Variants in PCDHGA2 observed in about 807,000 individuals in gnomAD.
The protein encoded by PCDHGA2 is protocadherin gamma-A2.
In PCDHGA2, 40 loss-of-function variants were observed where a neutral mutation model predicts 59.2. That is an observed-to-expected ratio of 0.68 (90% CI 0.52 to 0.88). The LOEUF is 0.88. Among genes scored for constraint, PCDHGA2 ranks in the 40% least tolerant of loss-of-function variants. The probability of loss-of-function intolerance (pLI) is 0.00; values close to 1 mark genes in which losing one functional copy is unlikely to be tolerated. For synonymous variants in PCDHGA2, 560 were observed against 526.0 expected (o/e 1.06, Z -0.89); for missense variants, 1,226 against 1,204.0 (o/e 1.02, Z -0.27).
chr5:141,421,926 C>T, intron 1 of PCDHGA2: 1 of 1,613,460 alleles, frequency 6.2e-7, no homozygotes, highest in Non-Finnish European at 8.5e-7. Context: ...GTGTGGTGGT[C>T]CTCGATGTAA....
At chr5:141,422,465 G>A in intron 1 of PCDHGA2, 1 of 1,613,508 alleles carries the variant, frequency 6.2e-7, no homozygotes, top group Non-Finnish European at 8.5e-7. Flanking sequence ...GTGCTGGACA[G>A]GGAGTTGGTC....
At chr5:141,360,588 A>G in intron 1 of PCDHGA2, 1 of 1,614,006 alleles carries the variant, frequency 6.2e-7, no homozygotes, top group Non-Finnish European at 8.5e-7. Flanking sequence ...CAGGTACAAC[A>G]TTTCCACTTG....
intron 1 of PCDHGA2, among the ~76,000 whole-genome samples, chr5:141,435,157 A>G (rs1387976305): frequency 6.6e-6 from 1 of 152,176 alleles, no homozygotes; most frequent in Non-Finnish European, 1.5e-5. Context: ...AAACTTTTGT[A>G]AATAGAGTGG....
At chr5:141,499,548 A>G (rs1312910986) in intron 2 of PCDHGA2, among the ~76,000 whole-genome samples, 3 of 152,226 alleles carry the variant, frequency 2.0e-5, no homozygotes, top group African/African-American at 7.2e-5. Flanking sequence ...ATGAACCTGT[A>G]TGATACCACT....
intron 1 of PCDHGA2, among the ~76,000 whole-genome samples, chr5:141,461,644 A>C (rs1266858748): frequency 1.3e-5 from 2 of 151,868 alleles, no homozygotes; most frequent in Non-Finnish European, 2.9e-5. Flanking sequence ...TTCTTCTTTG[A>C]CCCATGGATT....
At position 141,485,841 on chromosome 5, in the gene PCDHGA2, C is replaced by G. The variant is rs969476505; in HGVS notation, c.2425-8966C>G. On this transcript the variant is annotated intron_variant, in intron 1 of 3. Transcript: ENST00000394576. This position sits in a 1 kb window ranked among gnomAD's most constrained non-coding sequence, Gnocchi z 5.7. Reference sequence around the variant, plus strand: ...GTCGATGGAGGGAACCCGCCGAGATCTGGCACCGCAGAGCTCCGGGTATCC... The same window carrying G: ...GTCGATGGAGGGAACCCGCCGAGATGTGGCACCGCAGAGCTCCGGGTATCC... 29 of 1,614,104 alleles carry G rather than the reference C, an allele frequency of 1.8e-5. No individual in the cohort carries two copies. The highest frequency in any genetic ancestry group is 2.2e-5 in the South Asian group (2 of 91,080).
chr5:141,457,054 T>C (rs1410535170), intron 1 of PCDHGA2, among the ~76,000 whole-genome samples: 1 of 152,242 alleles, frequency 6.6e-6, no homozygotes, highest in Non-Finnish European at 1.5e-5. Context: ...ACTTTCATGC[T>C]TCCTTTTTGC....
At chr5:141,399,609 T>C in intron 1 of PCDHGA2, 2 of 1,613,918 alleles carry the variant, frequency 1.2e-6, no homozygotes, top group Non-Finnish European at 1.7e-6. Flanking sequence ...ACCTAGAGCC[T>C]CTGGCACTGG....
At chr5:141,458,064 C>T (rs886724551) in intron 1 of PCDHGA2, among the ~76,000 whole-genome samples, 14 of 152,104 alleles carry the variant, frequency 9.2e-5, no homozygotes, top group East Asian at 3.9e-4. Context: ...TGCACTGATG[C>T]GAACAACTAT....
chr5:141,385,246 G>A (rs1285071081), intron 1 of PCDHGA2: 1 of 1,614,084 alleles, frequency 6.2e-7, no homozygotes, highest in Non-Finnish European at 8.5e-7. Context: ...CATCAGCCAG[G>A]AGAGCTGTGA....
chr5:141,338,763 C>G lies in PCDHGA2; in HGVS notation c.-209C>G. On this transcript the variant is annotated 5_prime_UTR_variant, in exon 1 of 4. The change creates a new upstream start codon in the 5' untranslated region. Coordinates refer to ENST00000394576, the MANE Select transcript of PCDHGA2 (RefSeq NM_018915.4). ...AGTAAAAGGCAGCGAGACATCCAAT[C>G]CAGCAATACGGCTCCCACAGCACAA... 8.0e-7 allele frequency: 1 copy of G among 1,250,862 alleles called. No individual in the cohort carries two copies. The highest frequency in any genetic ancestry group is 1.0e-6 in the Non-Finnish European group (1 of 993,460). The allele number at this position is 1,250,862 out of a possible 1,614,324, so 77.5% of individuals were successfully genotyped here. A position where few individuals can be genotyped will look rare whatever the true frequency, so the allele number is the denominator to read the frequency against.
intron 1 of PCDHGA2, chr5:141,399,930 C>G (rs1168427748): frequency 6.2e-7 from 1 of 1,612,208 alleles, no homozygotes. Context: ...CCTGGCTGTC[C>G]TACCACGTGC....
chr5:141,422,633 G>T lies in PCDHGA2; in HGVS notation c.2425-72174G>T, dbSNP rs769515606. 10 of 1,613,120 alleles carry T rather than the reference G, an allele frequency of 6.2e-6. No individual in the cohort carries two copies. In the East Asian group the frequency reaches 2.0e-4, roughly 32 times the overall value. ...TACATTCCCGAAAACAACCCCAGGG[G>T]TGCCTCCATCTTCTCAGTGACCGCC... On this transcript the variant is annotated intron_variant, in intron 1 of 3. Coordinates refer to ENST00000394576, the MANE Select transcript of PCDHGA2 (RefSeq NM_018915.4).
rs763160633 is a variant in PCDHGA2 at position 141,418,261 on chromosome 5, G to A, written c.2425-76546G>A. 3 of 1,614,056 alleles carry A rather than the reference G, an allele frequency of 1.9e-6. No homozygotes were observed. In the South Asian group the frequency reaches 3.3e-5, roughly 18 times the overall value. Reference sequence around the variant, plus strand: ...TTAATGACCACGCCCCTCAATTCCGGAAAGATGAAATAAACTTAGAAATCA... The same window carrying A: ...TTAATGACCACGCCCCTCAATTCCGAAAAGATGAAATAAACTTAGAAATCA... On this transcript the variant is annotated intron_variant, in intron 1 of 3. Coordinates refer to ENST00000394576, the MANE Select transcript of PCDHGA2 (RefSeq NM_018915.4).
Position 141,491,652 on chromosome 5 carries a change from G to T in PCDHGA2, c.2425-3155G>T. ...AGCAGCCCACAGCTCTGGCGCTGGA[G>T]CCTGACGCCATCCGGTCCCGCTCTA... On this transcript the variant is annotated intron_variant, in intron 1 of 3. Transcript: ENST00000394576. The surrounding 1 kb of genome is among the most constrained non-coding windows in gnomAD (Gnocchi z 6.9). The T allele has an allele frequency of 6.2e-7, 1 of 1,613,844 alleles. No homozygotes were observed.
At position 141,357,494 on chromosome 5, in the gene PCDHGA2, A is replaced by G. The variant is rs371787543; in HGVS notation, c.2424+16099A>G. 1.9e-6 allele frequency: 3 copies of G among 1,614,142 alleles called. No homozygotes were observed. The African/African-American group carries it at 4.0e-5, about 22-fold the overall frequency. On this transcript the variant is annotated intron_variant, in intron 1 of 3. Coordinates refer to ENST00000394576, the MANE Select transcript of PCDHGA2 (RefSeq NM_018915.4). Reference sequence around the variant, plus strand: ...GTCTCCCTCACCGCGGACTCGCGGAAGAGTCACCTGATCTTCTCCCAACCC... The same window carrying G: ...GTCTCCCTCACCGCGGACTCGCGGAGGAGTCACCTGATCTTCTCCCAACCC...
chr5:141,423,482 A>G, intron 1 of PCDHGA2: 2 of 1,613,968 alleles, frequency 1.2e-6, no homozygotes, highest in African/African-American at 1.3e-5. Flanking sequence ...GCTTTCCTGC[A>G]AACCTATTCC....
chr5:141,427,782 T>G, intron 1 of PCDHGA2: 1 of 1,459,986 alleles, frequency 6.8e-7, no homozygotes, highest in Middle Eastern at 1.7e-4. Context: ...GCGGGCACTG[T>G]CGTCCTACGT....
At chr5:141,361,019 A>G (rs753179923) in intron 1 of PCDHGA2, 1 of 1,613,326 alleles carries the variant, frequency 6.2e-7, no homozygotes, top group East Asian at 2.2e-5. Flanking sequence ...TTCAACTTAA[A>G]TGAAAAAACA....
Sources: allele counts gnomAD v4.1 joint callset (sites outside exome capture counted in the v4.1 genomes callset), GRCh38; gene constraint gnomAD v4.1.1; non-coding constraint Gnocchi (gnomAD v3.1); transcripts MANE v1.5; gene names NCBI Gene and HGNC (gene_info 2026-07-23, HGNC 2026-07-21).